The following FRMD4A variants were observed in gnomAD, a reference collection of about 807,000 sequenced individuals.
The protein encoded by FRMD4A is FERM domain-containing protein 4A.
FRMD4A carries 29 observed loss-of-function variants against 129.1 expected under a neutral mutation model. The observed-to-expected ratio is 0.22, with a 90% CI of 0.17 to 0.31. FRMD4A has a LOEUF of 0.31. FRMD4A is among the 10% of genes least tolerant of loss of function. The pLI, the probability that FRMD4A is intolerant of heterozygous loss-of-function variation, is 1.00. For missense variants in FRMD4A, 1,272 were observed against 1,375.8 expected (o/e 0.92, Z 1.19); for synonymous variants, 634 against 571.6 (o/e 1.11, Z -1.56).
intron 4 of FRMD4A, among the ~76,000 whole-genome samples, chr10:13,808,827 G>A (rs749772278): frequency 6.6e-6 from 1 of 152,122 alleles, no homozygotes; most frequent in Non-Finnish European, 1.5e-5. Flanking sequence ...TAGACTCTGG[G>A]GCAGGTGATG....
At chr10:14,206,585 G>A (rs904057093) in intron 2 of FRMD4A, among the ~76,000 whole-genome samples, 12 of 151,940 alleles carry the variant, frequency 7.9e-5, no homozygotes, top group Admixed American at 3.3e-4. Flanking sequence ...ATCACTTGAG[G>A]TCAGGAGTTC....
intron 3 of FRMD4A, among the ~76,000 whole-genome samples, chr10:13,855,202 TG>T (rs1176454022): frequency 1.3e-5 from 2 of 152,110 alleles, no homozygotes; most frequent in African/African-American, 4.8e-5. Context: ...ATGCTCGGAG[TG>T]GCCGAGTTTA....
intron 2 of FRMD4A, among the ~76,000 whole-genome samples, chr10:14,293,414 C>G (rs1845910094): frequency 6.6e-6 from 1 of 152,132 alleles, no homozygotes; most frequent in South Asian, 2.1e-4. Context: ...TACACCCAGT[C>G]TCATTTATTT....
chr10:13,691,844 C>T (rs1156922637), intron 15 of FRMD4A, among the ~76,000 whole-genome samples: 1 of 152,152 alleles, frequency 6.6e-6, no homozygotes. Context: ...AAAACACAAA[C>T]AAGGTGTTGG....
At chr10:13,771,982 C>T (rs555053683) in intron 6 of FRMD4A, among the ~76,000 whole-genome samples, 2 of 151,392 alleles carry the variant, frequency 1.3e-5, no homozygotes, top group South Asian at 4.2e-4. Flanking sequence ...GGTGTGGTGT[C>T]GCATGCCCAT....
chr10:13,722,326 G>A (rs1380087897), intron 12 of FRMD4A, among the ~76,000 whole-genome samples: 1 of 150,412 alleles, frequency 6.6e-6, no homozygotes, highest in Non-Finnish European at 1.5e-5. Context: ...CGAATTCCTG[G>A]GCTCAAGTAA....
At chr10:14,006,088 C>T (rs144223215) in intron 2 of FRMD4A, among the ~76,000 whole-genome samples, 4 of 152,318 alleles carry the variant, frequency 2.6e-5, no homozygotes, top group African/African-American at 9.6e-5. Context: ...AAACACAGGA[C>T]TCCATTCTGA....
chr10:14,267,489 G>A (rs1845018855), intron 2 of FRMD4A, among the ~76,000 whole-genome samples: 1 of 152,172 alleles, frequency 6.6e-6, no homozygotes. Flanking sequence ...GCTCAGGTCT[G>A]TCCAATTTCA....
At chr10:14,127,926 C>CTTTCTTT (rs1838942247) in intron 2 of FRMD4A, among the ~76,000 whole-genome samples, 1 of 4,880 alleles carries the variant, frequency 2.0e-4, no homozygotes, top group Non-Finnish European at 3.6e-4. Flanking sequence ...TTCTTTCTTT[C>CTTTCTTT]TTTCTTTCTT....
intron 2 of FRMD4A, among the ~76,000 whole-genome samples, chr10:14,093,121 G>C (rs139885428): frequency 6.6e-6 from 1 of 152,200 alleles, no homozygotes; most frequent in Non-Finnish European, 1.5e-5. Flanking sequence ...GCCGTGGAAT[G>C]ACTGTGCCTG....
intron 15 of FRMD4A, chr10:13,693,241 C>A (rs1350375253): frequency 1.2e-5 from 2 of 164,172 alleles, no homozygotes; most frequent in Admixed American, 1.1e-4. Flanking sequence ...TTCAAACCCA[C>A]TCCTCCTCCT....
At chr10:13,826,050 A>C (rs1327669195) in intron 3 of FRMD4A, among the ~76,000 whole-genome samples, 2 of 152,202 alleles carry the variant, frequency 1.3e-5, no homozygotes, top group Non-Finnish European at 2.9e-5. Flanking sequence ...CTTGATCAGC[A>C]TCTGCCTCAC....
chr10:13,947,145 C>G, intron 2 of FRMD4A, among the ~76,000 whole-genome samples: 1 of 152,154 alleles, frequency 6.6e-6, no homozygotes, highest in East Asian at 1.9e-4. Context: ...AGGCTACGGA[C>G]ACTTCAGGTA....
intron 8 of FRMD4A, among the ~76,000 whole-genome samples, chr10:13,752,625 G>A (rs556084019): frequency 5.9e-4 from 89 of 152,134 alleles, no homozygotes; most frequent in Middle Eastern, 3.2e-3. Context: ...TGATACTATC[G>A]TAACAGAAAG....
At chr10:14,079,449 T>C (rs1014673856) in intron 2 of FRMD4A, among the ~76,000 whole-genome samples, 6 of 152,194 alleles carry the variant, frequency 3.9e-5, no homozygotes, top group Admixed American at 3.3e-4. Flanking sequence ...CAAACAAAAA[T>C]GACCGAAGTG....
At chr10:13,781,187 C>T (rs1588686266) in intron 6 of FRMD4A, among the ~76,000 whole-genome samples, 1 of 151,458 alleles carries the variant, frequency 6.6e-6, no homozygotes, top group African/African-American at 2.4e-5. Flanking sequence ...ACCTGTAGTC[C>T]CAGCTACTTA....
intron 2 of FRMD4A, among the ~76,000 whole-genome samples, chr10:13,861,170 G>C (rs2094289715): frequency 6.6e-6 from 1 of 152,180 alleles, no homozygotes; most frequent in South Asian, 2.1e-4. Flanking sequence ...AGCTCCTGGA[G>C]ACCAGGAGTT....
Position 13,904,798 on chromosome 10 carries a change from G to A in FRMD4A, c.46-45886C>T, listed in dbSNP as rs143923609. On this transcript the variant is annotated intron_variant, in intron 2 of 24. Transcript: ENST00000357447. The stretch of plus-strand genomic sequence containing the variant: ...ACCTGAGGTCAGGAGTTTGAGACCA[G>A]CCTGGCCAACGTGGCGAAACCCTGT... Among the ~76,000 whole-genome samples, 1,775 of 152,148 alleles carry A rather than the reference G, an allele frequency of 0.012. 84 individuals carry two copies. In the East Asian group the frequency reaches 0.15, roughly 13 times the overall value.
chr10:13,771,230 A>G (rs1479599951), intron 6 of FRMD4A, among the ~76,000 whole-genome samples: 1 of 152,152 alleles, frequency 6.6e-6, no homozygotes, highest in Non-Finnish European at 1.5e-5. Flanking sequence ...GTGTGCCACC[A>G]TGCCTGGCTA....
Sources: allele counts gnomAD v4.1 joint callset (sites outside exome capture counted in the v4.1 genomes callset), GRCh38; gene constraint gnomAD v4.1.1; transcripts MANE v1.5; gene names NCBI Gene and HGNC (gene_info 2026-07-23, HGNC 2026-07-21).